Variants in VPS52 observed in about 807,000 individuals in gnomAD.
VPS52 encodes the protein vacuolar protein sorting-associated protein 52 homolog.
In VPS52, 56 loss-of-function variants were observed where a neutral mutation model predicts 98.7. The ratio of observed to expected loss-of-function variants is 0.57; its 90% CI spans 0.46 to 0.71. The LOEUF (loss-of-function observed/expected upper bound fraction) is 0.71. VPS52 is among the 30% of genes least tolerant of loss of function. VPS52 has a pLI of 0.00. For synonymous variants in VPS52, 348 were observed against 346.4 expected, an observed-to-expected ratio of 1.00 and a Z score of -0.05; for missense variants, 742 against 925.9, an observed-to-expected ratio of 0.80 and a Z score of 2.58.
At chr6:33,251,227 A>G (rs1172024634) in intron 19 of VPS52, among the ~76,000 whole-genome samples, 1 of 152,080 alleles carries the variant, frequency 6.6e-6, no homozygotes, top group Non-Finnish European at 1.5e-5. Flanking sequence ...CTGTAATCCC[A>G]GCTACTTGGG....
At position 33,267,713 on chromosome 6, in the gene VPS52, A is replaced by G; in HGVS notation, c.960T>C (p.Asp320=). ...TTGCTGTATCTTCCACACCCATTAG[A>G]TCATCTTTCTCAGCGACTTCCTCAT... The part of the protein sequence containing the change: ...VQYEEVAEKD[D]LMGVEDTAKK... Residue 320 remains aspartate, a synonymous_variant, in exon 10 of 20, where the codon GAT becomes GAC. Transcript: ENST00000445902. This position sits in a 1 kb window ranked among gnomAD's most constrained non-coding sequence, Gnocchi z 4.2. The G allele has an allele frequency of 6.2e-7, 1 of 1,612,938 alleles. No individual in the cohort carries two copies. Among genetic ancestry groups the G allele is most frequent in the Non-Finnish European group, 8.5e-7 (1 of 1,180,016 alleles).
chr6:33,266,759 A>G (rs534705930), intron 11 of VPS52, 47 bp from the exon 12 acceptor site: 2 of 1,561,920 alleles, frequency 1.3e-6, no homozygotes, highest in Non-Finnish European at 8.7e-7. Context: ...ATGGACCCCA[A>G]CACTGACTTC....
intron 17 of VPS52, among the ~76,000 whole-genome samples, chr6:33,255,447 T>C (rs1270517654): frequency 4.8e-5 from 7 of 145,556 alleles, no homozygotes; most frequent in Non-Finnish European, 8.9e-5. Flanking sequence ...TACAAATGCA[T>C]GCCACTACGC....
chr6:33,252,784 T>C (rs924336708), intron 17 of VPS52, among the ~76,000 whole-genome samples: 2 of 152,124 alleles, frequency 1.3e-5, no homozygotes, highest in Admixed American at 6.6e-5. Context: ...AGACAGAAGA[T>C]GGAAAATTTT....
At chr6:33,258,759 G>C (rs543064772) in intron 17 of VPS52, among the ~76,000 whole-genome samples, 1 of 152,236 alleles carries the variant, frequency 6.6e-6, no homozygotes, top group East Asian at 1.9e-4. Context: ...GTAGAGACAG[G>C]GTTCTGCCAT....
In VPS52 at chr6:33,267,204, T is replaced by C. The variant is rs1221819901; in HGVS notation, c.1109A>G (p.Gln370Arg). ...EAPILVPHTA[Q>R]RGEQRYPFEA... ...TCCTCATACCCTCTGCTCTCCGCGCTGCGCTGTGTGAGGCACCAGGATGGG... is the reference window on the plus strand; with the variant it reads ...TCCTCATACCCTCTGCTCTCCGCGCCGCGCTGTGTGAGGCACCAGGATGGG... Residue 370 changes from glutamine to arginine, a missense_variant, in exon 11 of 20, where the codon CAG becomes CGG. Transcript: ENST00000445902. This position sits in a 1 kb window ranked among gnomAD's most constrained non-coding sequence, Gnocchi z 4.2. 2 of 1,564,164 alleles carry C rather than the reference T, an allele frequency of 1.3e-6. No homozygotes were observed. The highest frequency in any genetic ancestry group is 2.4e-5 in the South Asian group (2 of 82,818).
intron 17 of VPS52, among the ~76,000 whole-genome samples, chr6:33,260,994 G>A (rs1763566273): frequency 2.7e-5 from 4 of 150,778 alleles, no homozygotes; most frequent in Non-Finnish European, 4.4e-5. Context: ...GTGAGACTCC[G>A]TCTTTAAAAA....
intron 19 of VPS52, 106 bp downstream of exon 19, chr6:33,251,412 G>T: frequency 1.3e-6 from 1 of 763,696 alleles, no homozygotes. Context: ...GGCACAGCTA[G>T]TAACTGAAGA....
At chr6:33,252,114 T>C (rs1028355043) in intron 17 of VPS52, 143 bp from the exon 18 acceptor site, 36 of 669,214 alleles carry the variant, frequency 5.4e-5, no homozygotes, top group African/African-American at 3.4e-4. Context: ...TGGAGAAAAA[T>C]ATCCTCAATC....
chr6:33,260,910 G>C (rs1763551327), intron 17 of VPS52, among the ~76,000 whole-genome samples: 1 of 151,900 alleles, frequency 6.6e-6, no homozygotes, highest in South Asian at 2.1e-4. Flanking sequence ...TGAGGCAGGA[G>C]AATCACTTAA....
At position 33,267,841 on chromosome 6, in the gene VPS52, A is replaced by T. The variant is rs1764525145; in HGVS notation, c.933+24T>A. The T allele has an allele frequency of 6.2e-7, 1 of 1,612,862 alleles. No individual in the cohort carries two copies. On this transcript the variant is annotated intron_variant, in intron 9 of 19. Coordinates refer to ENST00000445902, the MANE Select transcript of VPS52 (RefSeq NM_022553.6). The surrounding 1 kb of genome is among the most constrained non-coding windows in gnomAD (Gnocchi z 4.2). Reference sequence around the variant, plus strand: ...CCTCCTCCCAGTCCATGTGCCCAGGAATACCTCTCCCTCCTGACCTTACCT... The same window carrying T: ...CCTCCTCCCAGTCCATGTGCCCAGGTATACCTCTCCCTCCTGACCTTACCT...
rs898360187 is a variant in VPS52, at chr6:33,270,399, G to C, written c.91-116C>G. ...GAGCTGCTTTTACTGGGAGCCACAG[G>C]TACTGCTTTGAAAAATTCTAAGAGT... On this transcript the variant is annotated intron_variant, in intron 1 of 19. Transcript: ENST00000445902. The C allele has an allele frequency of 1.3e-4, 124 of 936,864 alleles. No homozygotes were observed. The African/African-American group carries it at 1.8e-3, about 14-fold the overall frequency. The allele number at this position is 936,864 out of a possible 1,614,324, so 58.0% of individuals were successfully genotyped here. A position where few individuals can be genotyped will look rare whatever the true frequency, so the allele number is the denominator to read the frequency against.
rs1485299587 is a variant in VPS52 at position 33,271,612 on chromosome 6, C to T, written c.64G>A (p.Asp22Asn). Residue 22 changes from aspartate to asparagine, a missense_variant, in exon 1 of 20, where the codon GAT becomes AAT. This residue lies in a region of VPS52 where 152 missense variants were observed against 132.6 expected (regional missense o/e 1.15). Transcript: ENST00000445902. ...AGCGGGCCCTCTTCCTCCTCCATATCTGAGGTCCCAGCCCGCAACACCAGT... is the reference window on the plus strand; with the variant it reads ...AGCGGGCCCTCTTCCTCCTCCATATTTGAGGTCCCAGCCCGCAACACCAGT... ...RELVLRAGTS[D>N]MEEEEGPLAG... The T allele has an allele frequency of 6.8e-6, 11 of 1,611,570 alleles. No individual in the cohort carries two copies. Among genetic ancestry groups the T allele is most frequent in the Non-Finnish European group, 9.3e-6 (11 of 1,179,156 alleles).
intron 5 of VPS52, 148 bp downstream of exon 5, chr6:33,269,342 T>C (rs1764716988): frequency 2.8e-6 from 4 of 1,407,134 alleles, no homozygotes; most frequent in Non-Finnish European, 4.0e-6. Context: ...ACATTAAATA[T>C]GGCAGTAATA....
chr6:33,260,034 A>C (rs948581324), intron 17 of VPS52, among the ~76,000 whole-genome samples: 3 of 152,256 alleles, frequency 2.0e-5, no homozygotes, highest in Non-Finnish European at 4.4e-5. Context: ...CAATGCTCAC[A>C]GAAGCAAGAA....
At position 33,268,581 on chromosome 6, in the gene VPS52, G is replaced by C; in HGVS notation, c.617C>G (p.Ala206Gly). The change falls in exon 7 of 20, where the codon GCA becomes GGA. Residue 206 changes from alanine (A) to glycine (G), a missense_variant. By Grantham distance (60) the Ala-to-Gly change is moderately conservative. Coordinates refer to ENST00000445902, the MANE Select transcript of VPS52 (RefSeq NM_022553.6). The surrounding 1 kb of genome is among the most constrained non-coding windows in gnomAD (Gnocchi z 4.0). ...AGCTTCCTGCTCTCTGACTGCGGCT[G>C]CCTTGGCATCCAGCTCCTGTAGCTG... ...LEQLQELDAKAAAVREQEARG... is the reference protein window; with the variant it reads ...LEQLQELDAKGAAVREQEARG... 6.2e-7 allele frequency: 1 copy of C among 1,612,126 alleles called. No individual in the cohort carries two copies. Among genetic ancestry groups the C allele is most frequent in the Non-Finnish European group, 8.5e-7 (1 of 1,179,980 alleles).
chr6:33,271,628 C>CAA lies in VPS52; in HGVS notation c.46_47dup (p.Leu16PhefsTer55). The CAA allele has an allele frequency of 6.2e-7, 1 of 1,612,168 alleles. No individual in the cohort carries two copies. On this transcript the variant is annotated frameshift_variant, in exon 1 of 20. Coordinates refer to ENST00000445902, the MANE Select transcript of VPS52 (RefSeq NM_022553.6). LOFTEE classifies it high-confidence loss of function. ...CCTCCATATCTGAGGTCCCAGCCCGCAACACCAGTTCCCGGGCCGCAGCCG... is the reference window on the plus strand; with the variant it reads ...CCTCCATATCTGAGGTCCCAGCCCGCAAAACACCAGTTCCCGGGCCGCAGCCG...
intron 16 of VPS52, 66 bp downstream of exon 16, chr6:33,263,706 A>G (rs1243199214): frequency 5.7e-6 from 9 of 1,592,172 alleles, no homozygotes; most frequent in Non-Finnish European, 7.8e-6. Context: ...GCCCTCACAG[A>G]GCTAACAGCA....
Position 33,262,571 on chromosome 6 carries a change from C to A in VPS52, c.1794+913G>T, listed in dbSNP as rs138415639. On this transcript the variant is annotated intron_variant, in intron 17 of 19. Transcript: ENST00000445902. ...TACATTGAAGAGATATTTGCACTCCCATGTTTGTTGCAGTATTGTTCACAA... is the reference window on the plus strand; with the variant it reads ...TACATTGAAGAGATATTTGCACTCCAATGTTTGTTGCAGTATTGTTCACAA... 3.5e-4 allele frequency among the ~76,000 whole-genome samples: 53 copies of A among 152,264 alleles called. 2 individuals carry two copies. The East Asian group carries it at 8.5e-3, about 24-fold the overall frequency.
Sources: allele counts gnomAD v4.1 joint callset (sites outside exome capture counted in the v4.1 genomes callset), GRCh38; gene constraint gnomAD v4.1.1; regional missense constraint gnomAD v4.1.1; non-coding constraint Gnocchi (gnomAD v3.1); transcripts MANE v1.5; gene names NCBI Gene and HGNC (gene_info 2026-07-23, HGNC 2026-07-21).